PPP1R42: variants seen among roughly 807,000 people sequenced by gnomAD.
PPP1R42 encodes the protein leucine rich repeat containing 67.
In PPP1R42, 34 loss-of-function variants were observed where a neutral mutation model predicts 31.0. That is an observed-to-expected ratio of 1.10 (90% CI 0.83 to 1.46). The LOEUF is 1.46. Among genes scored for constraint, PPP1R42 ranks in the 40% most tolerant of loss-of-function variants. The pLI is 0.00. For synonymous variants in PPP1R42, 103 were observed against 109.8 expected (o/e 0.94, Z 0.39); for missense variants, 268 against 303.0 (o/e 0.88, Z 0.86).
At chr8:66,985,370 C>G (rs1169634526) in intron 6 of PPP1R42, 9 of 755,136 alleles carry the variant, frequency 1.2e-5, no homozygotes, top group Non-Finnish European at 1.9e-5. Flanking sequence ...GAAGAGGGAA[C>G]AGCACGAATA....
At chr8:66,986,951 G>C (rs1815037134) in intron 6 of PPP1R42, among the ~76,000 whole-genome samples, 2 of 152,102 alleles carry the variant, frequency 1.3e-5, no homozygotes, top group African/African-American at 4.8e-5. Context: ...ACCACTTGAG[G>C]TCAGGAGTTC....
intron 7 of PPP1R42, among the ~76,000 whole-genome samples, chr8:66,969,321 A>C (rs1275328352): frequency 6.6e-6 from 1 of 152,240 alleles, no homozygotes; most frequent in Non-Finnish European, 1.5e-5. Flanking sequence ...CAAAGCAACA[A>C]AACTTAAGAA....
intron 5 of PPP1R42, among the ~76,000 whole-genome samples, chr8:67,007,167 T>A (rs1815712976): frequency 6.6e-6 from 1 of 151,872 alleles, no homozygotes; most frequent in African/African-American, 2.4e-5. Context: ...CGTGAGCCAC[T>A]GTGCCTGGCC....
intron 6 of PPP1R42, among the ~76,000 whole-genome samples, chr8:66,983,885 T>C (rs149187189): frequency 5.5e-4 from 84 of 152,346 alleles, no homozygotes; most frequent in Non-Finnish European, 8.5e-4. Flanking sequence ...TTAGTACTTA[T>C]AACTTTACAA....
At chr8:67,012,386 T>A (rs1160977725) in intron 4 of PPP1R42, among the ~76,000 whole-genome samples, 1 of 152,160 alleles carries the variant, frequency 6.6e-6, no homozygotes, top group Non-Finnish European at 1.5e-5. Flanking sequence ...ACCCTCTGGC[T>A]TCTCAATTTA....
chr8:67,017,640 T>A lies in PPP1R42; in HGVS notation c.108A>T (p.Ser36=). ...CLKKITHINF[S]DKNIDAIEDL... ...TTACAATTGCATCTATATTTTTGTCTGAAAAATTTATATGAGTTATTTTCT... is the reference window on the plus strand; with the variant it reads ...TTACAATTGCATCTATATTTTTGTCAGAAAAATTTATATGAGTTATTTTCT... Residue 36 remains serine, a synonymous_variant, in exon 2 of 8, where the codon TCA becomes TCT. Transcript: ENST00000685739. 6.5e-7 allele frequency: 1 copy of A among 1,545,808 alleles called. No homozygotes were observed. Among genetic ancestry groups the A allele is most frequent in the South Asian group, 1.3e-5 (1 of 75,488 alleles).
At chr8:67,002,073 G>T (rs1815506570) in intron 5 of PPP1R42, among the ~76,000 whole-genome samples, 1 of 152,134 alleles carries the variant, frequency 6.6e-6, no homozygotes, top group African/African-American at 2.4e-5. Context: ...TTTCCTTTTA[G>T]CATTTTAAAT....
chr8:66,986,999 A>G (rs1815038910), intron 6 of PPP1R42, among the ~76,000 whole-genome samples: 1 of 151,882 alleles, frequency 6.6e-6, no homozygotes, highest in African/African-American at 2.4e-5. Context: ...CCCCGCCTCT[A>G]CTCTAAAGGT....
chr8:67,019,466 C>T (rs1816139695), intron 1 of PPP1R42, among the ~76,000 whole-genome samples: 1 of 147,406 alleles, frequency 6.8e-6, no homozygotes, highest in Admixed American at 6.8e-5. Context: ...TCTTGAACTC[C>T]TGACCTCGTG....
chr8:66,981,436 A>G (rs571062629), intron 7 of PPP1R42, among the ~76,000 whole-genome samples: 217 of 150,364 alleles, frequency 1.4e-3, no homozygotes, highest in African/African-American at 5.1e-3. Flanking sequence ...CTGGAGTGCA[A>G]TGGCGCAATC....
At chr8:67,019,859 G>A (rs918929832) in intron 1 of PPP1R42, among the ~76,000 whole-genome samples, 2 of 151,360 alleles carry the variant, frequency 1.3e-5, no homozygotes, top group African/African-American at 4.9e-5. Flanking sequence ...CTGCACTCCA[G>A]CCTGGGCGAC....
At chr8:66,991,491 T>G (rs1442014387) in intron 5 of PPP1R42, among the ~76,000 whole-genome samples, 2 of 152,206 alleles carry the variant, frequency 1.3e-5, no homozygotes, top group Admixed American at 1.3e-4. Context: ...TGGAGTATTG[T>G]TTGGCCTAAA....
Position 67,010,763 on chromosome 8 carries a change from C to G in PPP1R42, c.504G>C (p.Glu168Asp). The G allele has an allele frequency of 4.4e-6, 7 of 1,608,232 alleles. No individual in the cohort carries two copies. Among genetic ancestry groups the G allele is most frequent in the Non-Finnish European group, 5.9e-6 (7 of 1,177,516 alleles). The change falls in exon 5 of 8, where the codon GAG becomes GAC. Residue 168 changes from glutamate (E) to aspartate (D), a missense_variant. By Grantham distance (45) the Glu-to-Asp change is conservative. Coordinates refer to ENST00000685739, the MANE Select transcript of PPP1R42 (RefSeq NM_001364910.1). ...CAACGGCTATGAGCTGATTAAGATT[C>G]TCTAGTAGTTCTAAGTCTGTAATGT... Reference protein sequence around the residue: ...IDDITDLELLENLNQLIAVDN... With the variant: ...IDDITDLELLDNLNQLIAVDN...
chr8:66,989,206 TC>T (rs1484657626), intron 5 of PPP1R42, among the ~76,000 whole-genome samples: 1 of 152,074 alleles, frequency 6.6e-6, no homozygotes, highest in East Asian at 1.9e-4. Context: ...AAGAAGAAAA[TC>T]AGCTAACTGA....
At chr8:66,975,515 A>G (rs1402810164) in intron 7 of PPP1R42, among the ~76,000 whole-genome samples, 2 of 151,816 alleles carry the variant, frequency 1.3e-5, no homozygotes, top group African/African-American at 4.8e-5. Context: ...GTGTGGTGGC[A>G]CACGCCTGTA....
chr8:66,984,121 C>T (rs1814930080), intron 6 of PPP1R42: 1 of 1,585,228 alleles, frequency 6.3e-7, no homozygotes. Context: ...GAGGCAAGGG[C>T]TTGCAGTAGT....
intron 5 of PPP1R42, among the ~76,000 whole-genome samples, chr8:66,992,605 T>A (rs188667352): frequency 6.6e-6 from 1 of 152,326 alleles, no homozygotes; most frequent in East Asian, 1.9e-4. Context: ...ACTTGACTCC[T>A]TTTCTATAAT....
intron 2 of PPP1R42, among the ~76,000 whole-genome samples, chr8:67,016,194 C>A (rs571669864): frequency 2.0e-5 from 3 of 152,264 alleles, no homozygotes; most frequent in South Asian, 2.1e-4. Context: ...TACAAAAAAA[C>A]CAAGCATTTA....
intron 5 of PPP1R42, among the ~76,000 whole-genome samples, chr8:66,996,694 T>C (rs79249571): frequency 6.6e-6 from 1 of 152,376 alleles, no homozygotes; most frequent in East Asian, 1.9e-4. Flanking sequence ...AAGAAATCTT[T>C]ATATTTTTTC....
Sources: allele counts gnomAD v4.1 joint callset (sites outside exome capture counted in the v4.1 genomes callset), GRCh38; gene constraint gnomAD v4.1.1; transcripts MANE v1.5; gene names NCBI Gene and HGNC (gene_info 2026-07-23, HGNC 2026-07-21).